HMGXB4: variants seen among roughly 807,000 people sequenced by gnomAD.
HMGXB4 encodes HMG domain-containing protein 4.
A neutral mutation model predicts 63.9 loss-of-function variants in HMGXB4; 27 were observed. The ratio of observed to expected loss-of-function variants is 0.42; its 90% CI spans 0.31 to 0.58. HMGXB4 has a LOEUF of 0.58. Ranked by LOEUF, HMGXB4 falls within the 20% of genes least tolerant of loss-of-function variation. The probability of loss-of-function intolerance (pLI) is 0.13; values close to 1 mark genes in which losing one functional copy is unlikely to be tolerated. For missense variants in HMGXB4, 624 were observed against 700.7 expected, an observed-to-expected ratio of 0.89 and a Z score of 1.24; for synonymous variants, 264 against 265.3, an observed-to-expected ratio of 0.99 and a Z score of 0.05.
chr22:35,260,154 A>G (rs1014212441), intron 1 of HMGXB4, among the ~76,000 whole-genome samples: 1 of 152,240 alleles, frequency 6.6e-6, no homozygotes, highest in Non-Finnish European at 1.5e-5. Context: ...TACATATACA[A>G]GTGCATTTTG....
chr22:35,268,136 G>T (rs1387774561), intron 5 of HMGXB4, among the ~76,000 whole-genome samples: 1 of 152,184 alleles, frequency 6.6e-6, no homozygotes, highest in Non-Finnish European at 1.5e-5. Flanking sequence ...TATTGAGTAT[G>T]TGATGAGTTT....
At chr22:35,287,165 T>C in intron 7 of HMGXB4, 182 bp from the exon 8 acceptor site, 1 of 573,350 alleles carries the variant, frequency 1.7e-6, no homozygotes, top group Non-Finnish European at 3.2e-6. Flanking sequence ...TACTAAGATA[T>C]TAATGTAGTC....
Position 35,288,274 on chromosome 22 carries a change from C to A in HMGXB4, c.1505C>A (p.Ser502Tyr), listed in dbSNP as rs879030056. Residue 502 changes from serine to tyrosine, a missense_variant, in exon 9 of 11, where the codon TCC becomes TAC. By Grantham distance (144) the Ser-to-Tyr change is moderately radical. Coordinates refer to ENST00000216106, the MANE Select transcript of HMGXB4 (RefSeq NM_001003681.3). ...GGAGTACTGTCACCCCAGAAGAAGTCCCCACCCACCACCATGCTGTTACCA... is the reference window on the plus strand; with the variant it reads ...GGAGTACTGTCACCCCAGAAGAAGTACCCACCCACCACCATGCTGTTACCA... The part of the protein sequence containing the change: ...SVGVLSPQKK[S>Y]PPTTMLLPAS... 5 of 1,601,200 alleles carry A rather than the reference C, an allele frequency of 3.1e-6. No individual in the cohort carries two copies. In the African/African-American group the frequency reaches 5.4e-5, roughly 17 times the overall value.
upstream of HMGXB4, among the ~76,000 whole-genome samples, chr22:35,252,694 G>T (rs766534613): frequency 3.0e-4 from 45 of 152,180 alleles, no homozygotes; most frequent in Non-Finnish European, 2.6e-4. Flanking sequence ...GGTGGAGTGT[G>T]GGGGACCCAT....
At chr22:35,286,215 T>C (rs1176585219) in intron 7 of HMGXB4, among the ~76,000 whole-genome samples, 154 bp downstream of exon 7, 1 of 152,248 alleles carries the variant, frequency 6.6e-6, no homozygotes, top group Non-Finnish European at 1.5e-5. Context: ...TTAACACTGT[T>C]AGTGCCAGTT....
At chr22:35,290,607 G>A (rs1924871589) in intron 9 of HMGXB4, among the ~76,000 whole-genome samples, 2 of 147,478 alleles carry the variant, frequency 1.4e-5, no homozygotes, top group Non-Finnish European at 3.0e-5. Context: ...CTCCAGCCTG[G>A]GCGACGGAGC....
Position 35,284,012 on chromosome 22 carries a change from C to T in HMGXB4, c.1266C>T (p.Arg422=), listed in dbSNP as rs200603781. 65 of 1,613,992 alleles carry T rather than the reference C, an allele frequency of 4.0e-5. No homozygotes were observed. In the Middle Eastern group the frequency reaches 4.9e-4, roughly 12 times the overall value. The change falls in exon 6 of 11, where the codon CGC becomes CGT. Residue 422 remains arginine, a synonymous_variant. Transcript: ENST00000216106. The stretch of plus-strand genomic sequence containing the variant: ...ACCAGGTGTTCTGTAAAGAGTATCG[C>T]GTGACCATTGTGGCTGACCATCCAG... ...SAYQVFCKEY[R]VTIVADHPGI...
chr22:35,279,054 AAG>A (rs1259716693), intron 5 of HMGXB4, among the ~76,000 whole-genome samples: 5 of 151,966 alleles, frequency 3.3e-5, no homozygotes, highest in East Asian at 3.9e-4. Flanking sequence ...CTTAAAAGAA[AAG>A]AGAGAGAGAT....
the HMGXB4 span, among the ~76,000 whole-genome samples, chr22:35,244,760 C>T: frequency 6.6e-6 from 1 of 152,104 alleles, no homozygotes; most frequent in Non-Finnish European, 1.5e-5. Context: ...GGTCCCGTTC[C>T]GGCCAATGGA....
chr22:35,266,327 A>T (rs1431561563), intron 5 of HMGXB4, among the ~76,000 whole-genome samples: 1 of 152,320 alleles, frequency 6.6e-6, no homozygotes, highest in East Asian at 1.9e-4. Flanking sequence ...AGAATAGCTA[A>T]TGACTTTCCA....
chr22:35,246,573 G>C, the HMGXB4 span, among the ~76,000 whole-genome samples: 78,594 of 152,122 alleles, frequency 0.52, 24,140 homozygotes, highest in Non-Finnish European at 0.68. Flanking sequence ...GCTCCCGGCC[G>C]TATTTTCTCA....
At chr22:35,256,983 A>C (rs1160360594), upstream of HMGXB4, among the ~76,000 whole-genome samples, 1 of 152,372 alleles carries the variant, frequency 6.6e-6, no homozygotes, top group Non-Finnish European at 1.5e-5. Context: ...TTTACTGTAC[A>C]TTGTTACAAA....
the HMGXB4 span, among the ~76,000 whole-genome samples, chr22:35,250,661 GAC>G: frequency 0.52 from 78,533 of 151,720 alleles, 24,164 homozygotes; most frequent in Non-Finnish European, 0.68. Flanking sequence ...GGTTCCAAAT[GAC>G]AGAGGAGCAA....
At chr22:35,267,195 C>T (rs897703340) in intron 5 of HMGXB4, among the ~76,000 whole-genome samples, 13 of 148,670 alleles carry the variant, frequency 8.7e-5, no homozygotes, top group Non-Finnish European at 1.9e-4. Flanking sequence ...TACACACACA[C>T]ATCTGTTTAT....
At chr22:35,290,647 A>G (rs958299499) in intron 9 of HMGXB4, among the ~76,000 whole-genome samples, 14 of 150,866 alleles carry the variant, frequency 9.3e-5, no homozygotes, top group South Asian at 2.1e-4. Context: ...AAAAAAAAAA[A>G]AAAAAAGAAA....
intron 1 of HMGXB4, among the ~76,000 whole-genome samples, chr22:35,257,872 C>A (rs1347828201): frequency 6.6e-6 from 1 of 151,980 alleles, no homozygotes; most frequent in African/African-American, 2.4e-5. Flanking sequence ...GCCCCTCCCC[C>A]TGCCCGGGCC....
At position 35,264,745 on chromosome 22, in the gene HMGXB4, A is replaced by G; in HGVS notation, c.357A>G (p.Pro119=). The change falls in exon 5 of 11, where the codon CCA becomes CCG. Residue 119 remains proline, a synonymous_variant. Coordinates refer to ENST00000216106, the MANE Select transcript of HMGXB4 (RefSeq NM_001003681.3). ...AMDLLKAITS[P]LAAGSKPSKK... is the part of the protein sequence containing the mutation. ...ACCTGTTGAAAGCTATCACTTCCCC[A>G]CTGGCAGCAGGCTCCAAGCCCTCCA... The G allele has an allele frequency of 1.2e-6, 2 of 1,614,092 alleles. No individual in the cohort carries two copies. The highest frequency in any genetic ancestry group is 1.7e-6 in the Non-Finnish European group (2 of 1,179,976).
chr22:35,251,328 G>A, the HMGXB4 span, among the ~76,000 whole-genome samples: 1 of 152,110 alleles, frequency 6.6e-6, no homozygotes, highest in African/African-American at 2.4e-5. Context: ...ACCTGCCTCA[G>A]CCTCCCAAAG....
chr22:35,279,994 T>G (rs1489108110), intron 5 of HMGXB4, among the ~76,000 whole-genome samples: 1 of 152,212 alleles, frequency 6.6e-6, no homozygotes, highest in African/African-American at 2.4e-5. Context: ...ATAAAAACTT[T>G]AGAATCAGTT....
Sources: allele counts gnomAD v4.1 joint callset (sites outside exome capture counted in the v4.1 genomes callset), GRCh38; gene constraint gnomAD v4.1.1; transcripts MANE v1.5; gene names NCBI Gene and HGNC (gene_info 2026-07-23, HGNC 2026-07-21).